TRPC7: variants seen among roughly 807,000 people sequenced by gnomAD.
TRPC7 encodes short transient receptor potential channel 7.
Under a neutral mutation model 90.1 loss-of-function variants are expected in TRPC7, and 42 were observed. The observed-to-expected ratio is 0.47, with a 90% CI of 0.36 to 0.60. The LOEUF (loss-of-function observed/expected upper bound fraction) is 0.60. Among genes scored for constraint, TRPC7 ranks in the 20% least tolerant of loss-of-function variants. TRPC7 has a pLI of 0.00. For synonymous variants in TRPC7, 451 were observed against 436.3 expected (o/e 1.03, Z -0.42); for missense variants, 955 against 1,112.3 (o/e 0.86, Z 2.01).
intron 10 of TRPC7, among the ~76,000 whole-genome samples, chr5:136,224,749 C>G (rs973947621): frequency 1.3e-5 from 2 of 152,194 alleles, no homozygotes; most frequent in African/African-American, 4.8e-5. Flanking sequence ...CCCTCTCCCC[C>G]ATCCTGACAG....
intron 3 of TRPC7, among the ~76,000 whole-genome samples, chr5:136,308,139 T>C (rs1476985101): frequency 1.3e-5 from 2 of 152,206 alleles, no homozygotes; most frequent in South Asian, 4.1e-4. Context: ...ACAATCCATA[T>C]TTACATATAT....
chr5:136,291,256 A>G (rs1297738740), intron 3 of TRPC7, among the ~76,000 whole-genome samples: 1 of 152,216 alleles, frequency 6.6e-6, no homozygotes, highest in East Asian at 1.9e-4. Context: ...TAACCAGCTA[A>G]CATCATAATG....
chr5:136,292,883 C>T (rs1758013193), intron 3 of TRPC7, among the ~76,000 whole-genome samples: 3 of 152,206 alleles, frequency 2.0e-5, no homozygotes, highest in East Asian at 1.9e-4. Context: ...AACATTGATG[C>T]AAAAATCCTC....
intron 3 of TRPC7, among the ~76,000 whole-genome samples, chr5:136,313,309 C>T (rs968079112): frequency 2.0e-5 from 3 of 152,032 alleles, no homozygotes; most frequent in South Asian, 2.1e-4. Context: ...TGATTTTATG[C>T]CATGTGGGCA....
At chr5:136,322,725 A>G (rs1759236487) in intron 2 of TRPC7, among the ~76,000 whole-genome samples, 1 of 152,130 alleles carries the variant, frequency 6.6e-6, no homozygotes. Flanking sequence ...TGCATTCCCT[A>G]ATGGCTAATA....
At chr5:136,294,605 A>G (rs1440973053) in intron 3 of TRPC7, among the ~76,000 whole-genome samples, 1 of 152,138 alleles carries the variant, frequency 6.6e-6, no homozygotes, top group African/African-American at 2.4e-5. Flanking sequence ...ATCTCACACC[A>G]GTTAGAATGG....
At chr5:136,354,797 T>C (rs1307334616) in intron 2 of TRPC7, among the ~76,000 whole-genome samples, 1 of 152,228 alleles carries the variant, frequency 6.6e-6, no homozygotes, top group Admixed American at 6.5e-5. Flanking sequence ...ACAGGAAGCC[T>C]GTATTTGAGT....
intron 2 of TRPC7, among the ~76,000 whole-genome samples, chr5:136,354,463 C>G (rs186555158): frequency 8.5e-4 from 130 of 152,240 alleles, no homozygotes; most frequent in African/African-American, 3.1e-3. Flanking sequence ...TTGTGGGCCC[C>G]TGCAACCTCC....
chr5:136,223,108 G>A (rs911008888), intron 10 of TRPC7, among the ~76,000 whole-genome samples: 2 of 152,138 alleles, frequency 1.3e-5, no homozygotes, highest in African/African-American at 4.8e-5. Flanking sequence ...TTTCTTTTCT[G>A]TGACAACTAT....
intron 1 of TRPC7, among the ~76,000 whole-genome samples, chr5:136,363,570 CCTT>C (rs1490586093): frequency 6.6e-6 from 1 of 152,072 alleles, no homozygotes; most frequent in Non-Finnish European, 1.5e-5. Context: ...AGCAAAGTAT[CCTT>C]CTTTTACTCA....
At chr5:136,351,446 G>A (rs1055564279) in intron 2 of TRPC7, among the ~76,000 whole-genome samples, 1 of 152,172 alleles carries the variant, frequency 6.6e-6, no homozygotes, top group African/African-American at 2.4e-5. Flanking sequence ...TTTTTCCCAG[G>A]GTGTTGGACT....
rs1206919425 is a variant in TRPC7, at chr5:136,294,080, C to G, written c.964-19243G>C. Among the ~76,000 whole-genome samples the G allele has an allele frequency of 2.6e-5, 4 of 152,148 alleles. No homozygotes were observed. The East Asian group carries it at 5.8e-4, about 22-fold the overall frequency. On this transcript the variant is annotated intron_variant, in intron 3 of 11. Transcript: ENST00000513104. ...TAATAAATGGTGCTGGGAAAACTGG[C>G]TAGCCATATGTAGAAAGCTGAAACT...
chr5:136,274,860 A>G (rs1757312583), intron 3 of TRPC7, 23 bp from the exon 4 acceptor site: 2 of 1,550,200 alleles, frequency 1.3e-6, no homozygotes, highest in Non-Finnish European at 1.7e-6. Flanking sequence ...AACAAAAACA[A>G]AAACAAAACG....
rs1755588739 is a variant in TRPC7 at position 136,225,297 on chromosome 5, A to C, written c.2320T>G (p.Leu774Val). The C allele has an allele frequency of 5.0e-6, 8 of 1,613,168 alleles. No individual in the cohort carries two copies. In the South Asian group the frequency reaches 6.6e-5, roughly 13 times the overall value. Residue 774 changes from leucine (L) to valine (V), a missense_variant, in exon 10 of 12, where the codon TTG becomes GTG. Leu to Val is a conservative substitution (Grantham distance 32). Coordinates refer to ENST00000513104, the MANE Select transcript of TRPC7 (RefSeq NM_020389.3). ...NSENLTANNT[L>V]SKPTRYQKIM... ...ACCTGGTATCTGGTGGGCTTGCTCA[A>C]AGTGTTATTTGCTGTCAGATTTTCA...
chr5:136,343,283 T>C (rs892974003), intron 2 of TRPC7, among the ~76,000 whole-genome samples: 1 of 152,190 alleles, frequency 6.6e-6, no homozygotes, highest in South Asian at 2.1e-4. Flanking sequence ...CAAATATAAC[T>C]GATGTTGGGG....
chr5:136,253,886 T>C (rs912462499), intron 5 of TRPC7, among the ~76,000 whole-genome samples: 1 of 152,240 alleles, frequency 6.6e-6, no homozygotes, highest in Non-Finnish European at 1.5e-5. Context: ...GCTAGGCCTT[T>C]TGTGCCAGAC....
At chr5:136,232,305 A>T (rs1473977842) in intron 7 of TRPC7, among the ~76,000 whole-genome samples, 2 of 152,222 alleles carry the variant, frequency 1.3e-5, no homozygotes, top group Non-Finnish European at 2.9e-5. Context: ...GGCAGTGTCC[A>T]CACAGGAGGA....
At chr5:136,342,782 C>T (rs1249826884) in intron 2 of TRPC7, among the ~76,000 whole-genome samples, 1 of 152,182 alleles carries the variant, frequency 6.6e-6, no homozygotes, top group Non-Finnish European at 1.5e-5. Flanking sequence ...TACTATACAG[C>T]CTTGTAACAA....
chr5:136,306,981 C>T (rs1211685542), intron 3 of TRPC7, among the ~76,000 whole-genome samples: 3 of 152,222 alleles, frequency 2.0e-5, no homozygotes, highest in Non-Finnish European at 4.4e-5. Context: ...ATGTTGCTCA[C>T]ACAAAGCCTG....
Sources: allele counts gnomAD v4.1 joint callset (sites outside exome capture counted in the v4.1 genomes callset), GRCh38; gene constraint gnomAD v4.1.1; transcripts MANE v1.5; gene names NCBI Gene and HGNC (gene_info 2026-07-23, HGNC 2026-07-21).